Variants in MASP1 observed in about 807,000 individuals in gnomAD.
MASP1 encodes MBL associated serine protease 1.
A neutral mutation model predicts 77.1 loss-of-function variants in MASP1; 59 were observed. The ratio of observed to expected loss-of-function variants is 0.77; its 90% CI spans 0.62 to 0.95. MASP1 has a LOEUF of 0.95. Among genes scored for constraint, MASP1 ranks in the 40% least tolerant of loss-of-function variants. The pLI is 0.00. For synonymous variants in MASP1, 362 were observed against 354.5 expected (o/e 1.02, Z -0.24); for missense variants, 885 against 912.9 (o/e 0.97, Z 0.39).
rs1388318444 is a variant in MASP1 at position 187,236,066 on chromosome 3, A to G, written c.1805T>C (p.Val602Ala). 5 of 1,614,092 alleles carry G rather than the reference A, an allele frequency of 3.1e-6. No individual in the cohort carries two copies. Among genetic ancestry groups the G allele is most frequent in the Non-Finnish European group, 3.4e-6 (4 of 1,180,036 alleles). ...GWGISNPNVT[V>A]DEIISSGTRT... ...TGTGCCACTGCTGATGATCTCATCC[A>G]CTGTCACATTGGGATTGGAGATGCC... Residue 602 changes from valine (V) to alanine (A), a missense_variant, in exon 11 of 11, where the codon GTG (valine) becomes GCG (alanine). Transcript: ENST00000296280.
At chr3:187,224,499 A>G (rs924658636) in intron 13 of MASP1, among the ~76,000 whole-genome samples, 189 of 151,700 alleles carry the variant, frequency 1.2e-3, no homozygotes, top group Non-Finnish European at 2.0e-3. Flanking sequence ...GGCGCCCGCC[A>G]CTATGCCCGG....
At chr3:187,239,905 C>T (rs1054263689) in intron 10 of MASP1, among the ~76,000 whole-genome samples, 5 of 152,166 alleles carry the variant, frequency 3.3e-5, no homozygotes, top group African/African-American at 4.8e-5. Context: ...CTGTGATGGT[C>T]AAAACCTGAC....
chr3:187,246,814 C>G, intron 8 of MASP1: 1 of 989,432 alleles, frequency 1.0e-6, no homozygotes, highest in Non-Finnish European at 1.2e-6. Context: ...AGAAAACATT[C>G]AGATTCTCAA....
At chr3:187,261,274 G>C (rs1416341745) in intron 3 of MASP1, among the ~76,000 whole-genome samples, 1 of 152,182 alleles carries the variant, frequency 6.6e-6, no homozygotes, top group East Asian at 1.9e-4. Context: ...AACAAACTTA[G>C]AATCACACAG....
chr3:187,221,414 A>G (rs1046450702), intron 14 of MASP1, among the ~76,000 whole-genome samples: 1 of 152,228 alleles, frequency 6.6e-6, no homozygotes, highest in Non-Finnish European at 1.5e-5. Context: ...TCAGTAAGAT[A>G]GAGGTAATAA....
downstream of MASP1, among the ~76,000 whole-genome samples, chr3:187,229,496 G>A (rs1712637228): frequency 1.3e-5 from 2 of 152,186 alleles, no homozygotes; most frequent in Non-Finnish European, 2.9e-5. Flanking sequence ...GAGTTTCCTG[G>A]CTCTCCCTGA....
At chr3:187,289,494 A>G (rs992701984) in intron 1 of MASP1, among the ~76,000 whole-genome samples, 1 of 152,258 alleles carries the variant, frequency 6.6e-6, no homozygotes, top group Non-Finnish European at 1.5e-5. Flanking sequence ...GTCCATGCCC[A>G]TATCATGCCC....
chr3:187,248,855 A>G (rs1428506943), intron 8 of MASP1, among the ~76,000 whole-genome samples: 1 of 152,232 alleles, frequency 6.6e-6, no homozygotes, highest in Non-Finnish European at 1.5e-5. Context: ...TATGAAAAGG[A>G]AAAGAACAAT....
At chr3:187,257,253 C>T (rs763935521) in intron 4 of MASP1, among the ~76,000 whole-genome samples, 2 of 152,148 alleles carry the variant, frequency 1.3e-5, no homozygotes, top group African/African-American at 2.4e-5. Context: ...TCCTACAGGC[C>T]CTTGACACAC....
chr3:187,224,112 G>A (rs1171572992), intron 13 of MASP1, among the ~76,000 whole-genome samples: 1 of 152,200 alleles, frequency 6.6e-6, no homozygotes, highest in East Asian at 1.9e-4. Context: ...TTGAGCTAAA[G>A]GAAGTGAACT....
In MASP1 at chr3:187,256,861, C is replaced by T. The variant is rs1459021088; in HGVS notation, c.548-1G>A. The T allele has an allele frequency of 6.2e-7, 1 of 1,613,486 alleles. No homozygotes were observed. Among genetic ancestry groups the T allele is most frequent in the Non-Finnish European group, 8.5e-7 (1 of 1,179,558 alleles). On this transcript the variant is annotated splice_acceptor_variant, in intron 4 of 10. Coordinates refer to ENST00000296280, the MANE Select transcript of MASP1 (RefSeq NM_139125.4). LOFTEE classifies it high-confidence loss of function. ...GTGAAGAGGTTGTCACTGCACTCCA[C>T]TGTTGGAAACATAATAGAGAAAATG...
chr3:187,287,042 G>A (rs1262764227), intron 1 of MASP1, among the ~76,000 whole-genome samples: 2 of 152,154 alleles, frequency 1.3e-5, no homozygotes, highest in Non-Finnish European at 2.9e-5. Context: ...TAATTACATA[G>A]TTTACATTCT....
exon 16 of MASP1, chr3:187,219,967 G>C: frequency 1.7e-6 from 2 of 1,199,438 alleles, no homozygotes; most frequent in Admixed American, 3.8e-5. Context: ...GGCCGAAGGA[G>C]GGGGGATGGG....
At chr3:187,218,602 T>C (rs1364218472) in exon 16 of MASP1, 1 of 152,440 alleles carries the variant, frequency 6.6e-6, no homozygotes, top group Non-Finnish European at 1.5e-5. Context: ...TATATATATA[T>C]ATGTTCTCAT....
intron 13 of MASP1, among the ~76,000 whole-genome samples, chr3:187,223,720 T>A (rs1400290531): frequency 6.6e-6 from 1 of 152,194 alleles, no homozygotes; most frequent in Non-Finnish European, 1.5e-5. Context: ...TAGAAGTCTA[T>A]GAAGTTGGTA....
At chr3:187,263,367 T>C (rs774234542) in intron 2 of MASP1, 2 of 153,568 alleles carry the variant, frequency 1.3e-5, no homozygotes, top group African/African-American at 2.4e-5. Context: ...CTTCAGTGCA[T>C]GGAACAGGAC....
In MASP1 at chr3:187,253,235, G is replaced by A. The variant is rs1181108586; in HGVS notation, c.825C>T (p.Val275=). ...AGTTGTCACTATGGAACAGGATCAG[G>A]ACACTGTGGCTCTGGGTGCTGATGG... is the stretch of plus-strand genomic sequence containing the variant. The part of the protein sequence containing the change: ...PEPISTQSHS[V]LILFHSDNSG... Residue 275 remains valine (V), a synonymous_variant, in exon 6 of 11, where the codon GTC becomes GTT. Coordinates refer to ENST00000296280, the MANE Select transcript of MASP1 (RefSeq NM_139125.4). 10 of 1,614,178 alleles carry A rather than the reference G, an allele frequency of 6.2e-6. No individual in the cohort carries two copies. The highest frequency in any genetic ancestry group is 4.5e-5 in the East Asian group (2 of 44,868).
rs1209638325 is a variant in MASP1 at position 187,241,857 on chromosome 3, T to A, written c.1229-302A>T. ...CAAACTCCCTTTGCAACATGAAGGA[T>A]CTTTCTAAAATGGGAATGTGACCAT... On this transcript the variant is annotated intron_variant, in intron 9 of 10. Coordinates refer to ENST00000296280, the MANE Select transcript of MASP1 (RefSeq NM_139125.4). 1.2e-5 allele frequency: 4 copies of A among 340,796 alleles called. No individual in the cohort carries two copies. In the Middle Eastern group the frequency reaches 3.0e-3, roughly 252 times the overall value. 21.1% of individuals were successfully genotyped at this position (340,796 alleles called of 1,614,324 possible).
intron 2 of MASP1, among the ~76,000 whole-genome samples, chr3:187,268,342 TGTG>T (rs1241369563): frequency 6.6e-6 from 1 of 151,592 alleles, no homozygotes; most frequent in Non-Finnish European, 1.5e-5. Context: ...ATTAGCCAGG[TGTG>T]GTGGTGCGGC....
Sources: gnomAD v4.1 joint callset for allele counts (sites outside exome capture counted in the v4.1 genomes callset) on GRCh38, gnomAD v4.1.1 for gene constraint, MANE v1.5 for transcripts, NCBI Gene and HGNC (gene_info 2026-07-23, HGNC 2026-07-21) for gene names.